Variants in SIPA1L2 observed in about 807,000 individuals in gnomAD.
SIPA1L2 encodes signal induced proliferation associated 1 like 2.
A neutral mutation model predicts 163.9 loss-of-function variants in SIPA1L2; 56 were observed. That is an observed-to-expected ratio of 0.34 (90% CI 0.28 to 0.43). The LOEUF is 0.43. SIPA1L2 is among the 20% of genes least tolerant of loss of function. The pLI is 1.00. For missense variants in SIPA1L2, 1,974 were observed against 2,193.5 expected, an observed-to-expected ratio of 0.90 and a Z score of 2.00; for synonymous variants, 877 against 865.7, an observed-to-expected ratio of 1.01 and a Z score of -0.23.
intron 18 of SIPA1L2, among the ~76,000 whole-genome samples, chr1:232,419,576 T>A (rs1661447797): frequency 6.6e-6 from 1 of 152,134 alleles, no homozygotes; most frequent in Non-Finnish European, 1.5e-5. Context: ...TGGTTGAGTG[T>A]GGCATCTCGC....
chr1:232,441,713 C>T (rs575598768), intron 13 of SIPA1L2, 55 bp downstream of exon 13: 1 of 1,386,504 alleles, frequency 7.2e-7, no homozygotes, highest in Non-Finnish European at 1.0e-6. Context: ...GAGGAGGGGG[C>T]AGAGAGGGGG....
chr1:232,533,644 C>G (rs1043766432), intron 2 of SIPA1L2, among the ~76,000 whole-genome samples: 1 of 152,192 alleles, frequency 6.6e-6, no homozygotes, highest in Non-Finnish European at 1.5e-5. Context: ...AAAGCTGAGG[C>G]ACATACAGAT....
intron 16 of SIPA1L2, among the ~76,000 whole-genome samples, chr1:232,428,809 G>C (rs762480291): frequency 6.6e-6 from 1 of 152,084 alleles, no homozygotes; most frequent in Non-Finnish European, 1.5e-5. Flanking sequence ...CAAAGCCCAG[G>C]ATGAAAAAAT....
intron 2 of SIPA1L2, among the ~76,000 whole-genome samples, chr1:232,548,944 G>T (rs59589748): frequency 2.6e-4 from 39 of 152,306 alleles, no homozygotes; most frequent in African/African-American, 9.1e-4. Flanking sequence ...TGTGCAGGGA[G>T]GAGCAGAAGC....
At chr1:232,462,765 T>A (rs1027714141) in intron 9 of SIPA1L2, among the ~76,000 whole-genome samples, 2 of 152,356 alleles carry the variant, frequency 1.3e-5, no homozygotes, top group East Asian at 3.9e-4. Flanking sequence ...AATGCGATTA[T>A]CAGGTGAAGT....
intron 10 of SIPA1L2, among the ~76,000 whole-genome samples, chr1:232,448,087 C>G (rs924675343): frequency 6.6e-6 from 1 of 152,268 alleles, no homozygotes; most frequent in East Asian, 1.9e-4. Flanking sequence ...CCTAAAAGGT[C>G]ACAGGCTAGA....
At chr1:232,608,921 GCCGGTCTT>G (rs1032910691) in intron 1 of SIPA1L2, among the ~76,000 whole-genome samples, 4 of 151,768 alleles carry the variant, frequency 2.6e-5, no homozygotes, top group African/African-American at 9.7e-5. Flanking sequence ...CTCACAATAG[GCCGGTCTT>G]CTTAAAGTCA....
At chr1:232,491,140 T>G in intron 4 of SIPA1L2, 78 bp from the exon 5 acceptor site, 1 of 1,300,938 alleles carries the variant, frequency 7.7e-7, no homozygotes, top group Non-Finnish European at 1.1e-6. Flanking sequence ...TTGGCTGCCT[T>G]AAGACAGGAA....
intron 10 of SIPA1L2, among the ~76,000 whole-genome samples, chr1:232,456,925 C>A (rs1403095425): frequency 6.6e-6 from 1 of 152,140 alleles, no homozygotes; most frequent in African/African-American, 2.4e-5. Flanking sequence ...CCAATCCCAG[C>A]ACGAGATCAG....
intron 1 of SIPA1L2, among the ~76,000 whole-genome samples, chr1:232,621,243 G>T (rs1662793323): frequency 6.6e-6 from 1 of 152,160 alleles, no homozygotes; most frequent in Admixed American, 6.6e-5. Flanking sequence ...AGAGAACAGG[G>T]CAGTTTTTAG....
rs1665911495 is a variant in SIPA1L2 at position 232,491,178 on chromosome 1, T to C, written c.1618-116A>G. On this transcript the variant is annotated intron_variant, in intron 4 of 22. Coordinates refer to ENST00000674635, the MANE Select transcript of SIPA1L2 (RefSeq NM_020808.5). ...AGAGAAGCAAGGCTCTTTCTGAGTG[T>C]AGTGAAAGGGGCGACAGTGTTCCAT... 6 of 881,734 alleles carry C rather than the reference T, an allele frequency of 6.8e-6. No individual in the cohort carries two copies. The South Asian group carries it at 9.0e-5, about 13-fold the overall frequency. 54.6% of individuals were successfully genotyped at this position (881,734 alleles called of 1,614,324 possible).
intron 9 of SIPA1L2, chr1:232,462,218 G>C: frequency 6.4e-7 from 1 of 1,550,910 alleles, no homozygotes; most frequent in Non-Finnish European, 8.7e-7. Flanking sequence ...TCCAATGAAA[G>C]AAAAACATGG....
At chr1:232,626,526 A>G (rs1425975772) in intron 1 of SIPA1L2, among the ~76,000 whole-genome samples, 1 of 152,170 alleles carries the variant, frequency 6.6e-6, no homozygotes, top group Non-Finnish European at 1.5e-5. Context: ...AAGTTTATGA[A>G]TCCAGTTCAG....
At chr1:232,520,728 T>C (rs748897638) in intron 2 of SIPA1L2, among the ~76,000 whole-genome samples, 1 of 152,144 alleles carries the variant, frequency 6.6e-6, no homozygotes, top group Non-Finnish European at 1.5e-5. Flanking sequence ...GCTCTAATAC[T>C]AATATGGATA....
At chr1:232,425,994 G>A (rs1032360900) in intron 17 of SIPA1L2, among the ~76,000 whole-genome samples, 186 bp from the exon 18 acceptor site, 2 of 152,274 alleles carry the variant, frequency 1.3e-5, no homozygotes, top group Middle Eastern at 3.4e-3. Flanking sequence ...CTTGGGTGCA[G>A]TTATTAGATT....
At chr1:232,413,927 C>T (rs1390000740) in intron 19 of SIPA1L2, among the ~76,000 whole-genome samples, 3 of 152,078 alleles carry the variant, frequency 2.0e-5, no homozygotes, top group African/African-American at 7.2e-5. Context: ...GTGTTACCTC[C>T]CCTCTGGGTT....
At chr1:232,485,474 C>T (rs1240619081) in intron 5 of SIPA1L2, among the ~76,000 whole-genome samples, 2 of 152,162 alleles carry the variant, frequency 1.3e-5, no homozygotes, top group East Asian at 3.8e-4. Context: ...TTCTGATCAA[C>T]TCAATTATCT....
chr1:232,430,009 C>G (rs1465119850), intron 16 of SIPA1L2, among the ~76,000 whole-genome samples: 1 of 152,214 alleles, frequency 6.6e-6, no homozygotes, highest in Non-Finnish European at 1.5e-5. Flanking sequence ...AAAACACTAG[C>G]TTTCTCTGCT....
intron 2 of SIPA1L2, among the ~76,000 whole-genome samples, chr1:232,557,408 C>CA (rs1026310923): frequency 7.2e-5 from 11 of 152,200 alleles, no homozygotes; most frequent in African/African-American, 2.6e-4. Flanking sequence ...TCAAAGGTTA[C>CA]AAAAAAACTC....
Sources: allele counts gnomAD v4.1 joint callset (sites outside exome capture counted in the v4.1 genomes callset), GRCh38; gene constraint gnomAD v4.1.1; transcripts MANE v1.5; gene names NCBI Gene and HGNC (gene_info 2026-07-23, HGNC 2026-07-21).